ZFYVE9: variants seen among roughly 807,000 people sequenced by gnomAD.
ZFYVE9 encodes zinc finger FYVE domain-containing protein 9.
A neutral mutation model predicts 126.7 loss-of-function variants in ZFYVE9; 43 were observed. That is an observed-to-expected ratio of 0.34 (90% CI 0.27 to 0.44). ZFYVE9 has a LOEUF of 0.44. Among genes scored for constraint, ZFYVE9 ranks in the 20% least tolerant of loss-of-function variants. ZFYVE9 has a pLI of 1.00. For missense variants in ZFYVE9, 1,476 were observed against 1,697.0 expected (o/e 0.87, Z 2.29); for synonymous variants, 521 against 597.4 (o/e 0.87, Z 1.87).
rs756864256 is a variant in ZFYVE9, at chr1:52,263,767, C to CCACA, written c.2179-5_2179-2dup. 2 of 1,230,894 alleles carry CCACA rather than the reference C, an allele frequency of 1.6e-6. No individual in the cohort carries two copies. The highest frequency in any genetic ancestry group is 4.1e-5 in the African/African-American group (2 of 49,150). The allele number at this position is 1,230,894 out of a possible 1,614,324, so 76.2% of individuals were successfully genotyped here. The stretch of plus-strand genomic sequence containing the variant: ...TTGTGTGTTCTTCCCCCCCCCCCCC[C>CCACA]CACAGGTTTTCTGTGCTTCCTGCTG... On this transcript the variant is annotated splice_polypyrimidine_tract_variant and splice_region_variant and intron_variant, in intron 4 of 18. Transcript: ENST00000287727.
In ZFYVE9 at chr1:52,221,845, C is replaced by T. The variant is rs346555; in HGVS notation, c.-37+5371C>T. 9.3e-3 allele frequency among the ~76,000 whole-genome samples: 1,410 copies of T among 152,198 alleles called. 19 individuals are homozygous for T. The highest frequency in any genetic ancestry group is 0.032 in the African/African-American group (1,341 of 41,518). On this transcript the variant is annotated intron_variant, in intron 2 of 18. Coordinates refer to ENST00000287727, the MANE Select transcript of ZFYVE9 (RefSeq NM_004799.4). ...TACCTGTTGGATCTCTGATGGGGTC[C>T]AGAGGAGGGTTTACAGGGTCTGGTC... is the stretch of plus-strand genomic sequence containing the variant.
intron 14 of ZFYVE9, among the ~76,000 whole-genome samples, chr1:52,333,173 A>G (rs1646358639): frequency 6.6e-6 from 1 of 152,062 alleles, no homozygotes; most frequent in African/African-American, 2.4e-5. Context: ...ATTAGGAGAA[A>G]TACCTAATGT....
chr1:52,336,982 T>C (rs1646396261), intron 15 of ZFYVE9, among the ~76,000 whole-genome samples: 1 of 148,294 alleles, frequency 6.7e-6, no homozygotes, highest in African/African-American at 2.5e-5. Flanking sequence ...TAAATTGACC[T>C]GACACAGATC....
chr1:52,300,964 A>G lies in ZFYVE9; in HGVS notation c.3334-2857A>G, dbSNP rs372957393. Among the ~76,000 whole-genome samples, 15 of 151,660 alleles carry G rather than the reference A, an allele frequency of 9.9e-5. No homozygotes were observed. In the East Asian group the frequency reaches 2.9e-3, roughly 30 times the overall value. On this transcript the variant is annotated intron_variant, in intron 12 of 18. Transcript: ENST00000287727. ...AACTTCCACCTCCCGGGCTCAAGCA[A>G]TGCTCCCACCTCAGCCTCCCGAGTA...
intron 2 of ZFYVE9, among the ~76,000 whole-genome samples, chr1:52,232,089 A>G (rs1645228695): frequency 6.6e-6 from 1 of 152,190 alleles, no homozygotes; most frequent in South Asian, 2.1e-4. Flanking sequence ...AAGTTTACAA[A>G]GACAGCCTAT....
At chr1:52,237,362 C>A (rs115880957) in intron 3 of ZFYVE9, 126 bp from the exon 4 acceptor site, 1 of 884,876 alleles carries the variant, frequency 1.1e-6, no homozygotes, top group Non-Finnish European at 1.7e-6. Flanking sequence ...TTTTTAGCCC[C>A]GAATTAGAAA....
intron 1 of ZFYVE9, among the ~76,000 whole-genome samples, chr1:52,188,329 G>A (rs866957144): frequency 3.9e-5 from 6 of 152,158 alleles, no homozygotes; most frequent in Non-Finnish European, 7.4e-5. Flanking sequence ...CTACTGGAGG[G>A]TGGAGGCTGG....
chr1:52,146,038 C>CACAT (rs908706394), intron 1 of ZFYVE9, among the ~76,000 whole-genome samples: 1 of 151,004 alleles, frequency 6.6e-6, no homozygotes, highest in Non-Finnish European at 1.5e-5. Flanking sequence ...CACACACACA[C>CACAT]ACACACACAC....
chr1:52,326,919 T>C (rs1646297175), intron 13 of ZFYVE9, among the ~76,000 whole-genome samples: 1 of 151,686 alleles, frequency 6.6e-6, no homozygotes, highest in African/African-American at 2.4e-5. Flanking sequence ...ACCCAGCACT[T>C]TGGGAGGCTG....
chr1:52,301,906 G>A (rs1255790886), intron 12 of ZFYVE9, among the ~76,000 whole-genome samples: 4 of 151,910 alleles, frequency 2.6e-5, no homozygotes, highest in Non-Finnish European at 5.9e-5. Context: ...TTATTGCTGT[G>A]CTCTCAATTT....
chr1:52,281,225 C>T (rs1159716507), intron 9 of ZFYVE9, among the ~76,000 whole-genome samples: 26 of 151,372 alleles, frequency 1.7e-4, no homozygotes, highest in Admixed American at 1.3e-3. Context: ...CTCCACCTCC[C>T]GGGTTCACGC....
chr1:52,168,823 A>C (rs1388822078), intron 1 of ZFYVE9, among the ~76,000 whole-genome samples: 2 of 152,098 alleles, frequency 1.3e-5, no homozygotes, highest in Admixed American at 6.6e-5. Flanking sequence ...GCCAGATTAG[A>C]TTCTTTAAAA....
intron 2 of ZFYVE9, among the ~76,000 whole-genome samples, chr1:52,221,019 GGCCCTTACTATTGATGAA>G (rs1645120000): frequency 1.3e-5 from 2 of 152,140 alleles, no homozygotes; most frequent in Non-Finnish European, 2.9e-5. Context: ...ACCAAATCTT[GGCCCTTACTATTGATGAA>G]GCCTCGTTCA....
At chr1:52,187,163 A>G (rs1644773042) in intron 1 of ZFYVE9, among the ~76,000 whole-genome samples, 1 of 152,094 alleles carries the variant, frequency 6.6e-6, no homozygotes, top group Non-Finnish European at 1.5e-5. Context: ...AATAAGGTCC[A>G]TACCTACAAC....
chr1:52,297,172 G>A (rs1645985047), intron 12 of ZFYVE9, among the ~76,000 whole-genome samples: 1 of 152,108 alleles, frequency 6.6e-6, no homozygotes, highest in South Asian at 2.1e-4. Context: ...AATGGGGCTA[G>A]GGGGCAGCCC....
chr1:52,230,723 GA>G (rs1439598483), intron 2 of ZFYVE9, among the ~76,000 whole-genome samples: 1 of 152,008 alleles, frequency 6.6e-6, no homozygotes, highest in African/African-American at 2.4e-5. Context: ...ACTTGCCTTT[GA>G]AAGTGATATT....
chr1:52,256,676 T>C (rs78663067), intron 4 of ZFYVE9, among the ~76,000 whole-genome samples: 8,184 of 151,410 alleles, frequency 0.054, 238 homozygotes, highest in South Asian at 0.076. Context: ...TTAAAATGAC[T>C]CTGATAATTA....
In ZFYVE9 at chr1:52,239,604, C is replaced by T; in HGVS notation, c.2178+9C>T. On this transcript the variant is annotated intron_variant, in intron 4 of 18. Coordinates refer to ENST00000287727, the MANE Select transcript of ZFYVE9 (RefSeq NM_004799.4). ...GCAGAGCATGTGGGAAGGTAAGTTG[C>T]ATGTATACACTCAGAAATCGGGCAT... The T allele has an allele frequency of 6.2e-7, 1 of 1,600,712 alleles. No homozygotes were observed. Among genetic ancestry groups the T allele is most frequent in the South Asian group, 1.1e-5 (1 of 90,266 alleles).
intron 7 of ZFYVE9, among the ~76,000 whole-genome samples, chr1:52,273,227 A>C (rs963310348): frequency 2.0e-5 from 3 of 149,328 alleles, no homozygotes; most frequent in Non-Finnish European, 4.5e-5. Flanking sequence ...GGCTGGTCTC[A>C]AACTCCTGAC....
Sources: allele counts gnomAD v4.1 joint callset (sites outside exome capture counted in the v4.1 genomes callset), GRCh38; gene constraint gnomAD v4.1.1; transcripts MANE v1.5; gene names NCBI Gene and HGNC (gene_info 2026-07-23, HGNC 2026-07-21).